Variants in KIAA0825 observed in about 807,000 individuals in gnomAD.
KIAA0825 encodes the protein uncharacterized protein KIAA0825.
Under a neutral mutation model 147.6 loss-of-function variants are expected in KIAA0825, and 119 were observed. The ratio of observed to expected loss-of-function variants is 0.81; its 90% CI spans 0.69 to 0.94. The LOEUF (loss-of-function observed/expected upper bound fraction) is 0.94. Ranked by LOEUF, KIAA0825 falls within the 40% of genes least tolerant of loss-of-function variation. The pLI is 0.00. For missense variants in KIAA0825, 1,381 were observed against 1,472.7 expected, an observed-to-expected ratio of 0.94 and a Z score of 1.02; for synonymous variants, 470 against 518.1, an observed-to-expected ratio of 0.91 and a Z score of 1.26.
chr5:94,272,395 C>T (rs958406716), intron 20 of KIAA0825, among the ~76,000 whole-genome samples: 5 of 151,886 alleles, frequency 3.3e-5, no homozygotes, highest in Admixed American at 6.6e-5. Context: ...GTGATGGATA[C>T]CCCATTTACC....
intron 2 of KIAA0825, among the ~76,000 whole-genome samples, chr5:94,552,649 G>C (rs1445163386): frequency 6.6e-6 from 1 of 152,200 alleles, no homozygotes; most frequent in Non-Finnish European, 1.5e-5. Context: ...ACATGTTCCT[G>C]AATGACCAAT....
intron 2 of KIAA0825, among the ~76,000 whole-genome samples, chr5:94,574,473 TG>T (rs1780591470): frequency 7.7e-6 from 1 of 129,298 alleles, no homozygotes; most frequent in Non-Finnish European, 1.5e-5. Flanking sequence ...GAACCCGGGA[TG>T]GGGAGGTTGC....
At chr5:94,464,127 G>A (rs912278954) in intron 11 of KIAA0825, among the ~76,000 whole-genome samples, 3 of 145,790 alleles carry the variant, frequency 2.1e-5, no homozygotes, top group Admixed American at 6.8e-5. Context: ...AAATATATCT[G>A]AAAAAAGATT....
chr5:94,185,057 G>A (rs532986998), intron 20 of KIAA0825, among the ~76,000 whole-genome samples: 23 of 152,208 alleles, frequency 1.5e-4, no homozygotes, highest in African/African-American at 3.9e-4. Flanking sequence ...GGCTCTCTGC[G>A]GGTATTGTCT....
chr5:94,523,871 A>G (rs1336385345), intron 4 of KIAA0825, 59 bp downstream of exon 4: 2 of 1,097,938 alleles, frequency 1.8e-6, no homozygotes, highest in African/African-American at 3.2e-5. Context: ...TAGAAATTGA[A>G]TGAGTTGTAT....
At chr5:94,231,788 C>T (rs1774720029) in intron 20 of KIAA0825, among the ~76,000 whole-genome samples, 1 of 152,010 alleles carries the variant, frequency 6.6e-6, no homozygotes, top group South Asian at 2.1e-4. Context: ...ATAGATAATT[C>T]AAATAATATA....
chr5:94,548,938 T>A (rs185705090), intron 2 of KIAA0825, among the ~76,000 whole-genome samples: 1 of 152,196 alleles, frequency 6.6e-6, no homozygotes, highest in African/African-American at 2.4e-5. Context: ...AATAAGCAAA[T>A]ATTATTAGAG....
At chr5:94,168,051 A>G (rs1768220783) in intron 20 of KIAA0825, among the ~76,000 whole-genome samples, 1 of 149,922 alleles carries the variant, frequency 6.7e-6, no homozygotes, top group African/African-American at 2.4e-5. Context: ...ATATAGAAAT[A>G]CATAGAAATA....
intron 2 of KIAA0825, among the ~76,000 whole-genome samples, chr5:94,549,566 A>T (rs1157657736): frequency 6.6e-6 from 1 of 152,120 alleles, no homozygotes; most frequent in Non-Finnish European, 1.5e-5. Context: ...TACAAAAATT[A>T]GCCGGATGTG....
chr5:94,275,089 A>G (rs1304709531), intron 20 of KIAA0825, among the ~76,000 whole-genome samples: 1 of 152,188 alleles, frequency 6.6e-6, no homozygotes, highest in East Asian at 1.9e-4. Flanking sequence ...CAAGGAACAC[A>G]TATGCTTGAC....
chr5:94,164,867 A>G (rs756945670), intron 20 of KIAA0825, among the ~76,000 whole-genome samples: 12 of 152,228 alleles, frequency 7.9e-5, no homozygotes, highest in Non-Finnish European at 1.6e-4. Flanking sequence ...ATCAAAATGG[A>G]TTAAAGACAT....
At position 94,272,106 on chromosome 5, in the gene KIAA0825, C is replaced by CAAAAAAAAAAAAAAAA. The variant is rs70975898; in HGVS notation, c.3710+112246_3710+112261dup. On this transcript the variant is annotated intron_variant, in intron 20 of 20. Coordinates refer to ENST00000682413, the MANE Select transcript of KIAA0825 (RefSeq NM_001145678.3). Reference sequence around the variant, plus strand: ...GCATCTTCTCACTTATTTGTAGGAGCAAAAAAAAAAAAAAAAAAAAAAAAA... The same window carrying CAAAAAAAAAAAAAAAA: ...GCATCTTCTCACTTATTTGTAGGAGCAAAAAAAAAAAAAAAAAAAAAAAAAAAAAAAAAAAAAAAAA... Among the ~76,000 whole-genome samples, 2 of 66,630 alleles carry CAAAAAAAAAAAAAAAA rather than the reference C, an allele frequency of 3.0e-5. 1 individual carries two copies. The allele number at this position is 66,630 out of a possible 152,430, so 43.7% of individuals were successfully genotyped here.
chr5:94,569,842 C>T (rs1779567422), intron 2 of KIAA0825: 1 of 175,790 alleles, frequency 5.7e-6, no homozygotes, highest in African/African-American at 2.4e-5. Flanking sequence ...TCGGCCGAGG[C>T]TTATACTATG....
intron 8 of KIAA0825, 150 bp from the exon 9 acceptor site, chr5:94,471,881 A>G (rs1761248647): frequency 1.4e-6 from 1 of 730,318 alleles, no homozygotes; most frequent in African/African-American, 1.8e-5. Context: ...TCTCAGTTGT[A>G]GAAAGTTAAA....
intron 2 of KIAA0825, among the ~76,000 whole-genome samples, chr5:94,563,253 G>A (rs1777904976): frequency 6.6e-6 from 1 of 151,766 alleles, no homozygotes; most frequent in Admixed American, 6.6e-5. Context: ...AGCTACTCCG[G>A]AGGCTGAGGC....
chr5:94,537,647 CAAAA>C lies in KIAA0825; in HGVS notation c.-1-524_-1-521del, dbSNP rs1162517096. On this transcript the variant is annotated intron_variant, in intron 2 of 20. Transcript: ENST00000682413. ...TGGGCGACAGAGCAAGACTCTGTCTCAAAAAAAAAAAAAAAAAAAAGAAAGCTGA... is the reference window on the plus strand; with the variant it reads ...TGGGCGACAGAGCAAGACTCTGTCTCAAAAAAAAAAAAAAAAGAAAGCTGA... Among the ~76,000 whole-genome samples, 6 of 68,022 alleles carry C rather than the reference CAAAA, an allele frequency of 8.8e-5. No individual in the cohort carries two copies. The South Asian group carries it at 2.7e-3, about 31-fold the overall frequency. The allele number at this position is 68,022 out of a possible 152,430, so 44.6% of individuals were successfully genotyped here. A position where few individuals can be genotyped will look rare whatever the true frequency, so the allele number is the denominator to read the frequency against.
Position 94,536,936 on chromosome 5 carries a change from G to A in KIAA0825, c.131+60C>T, listed in dbSNP as rs540135653. The A allele has an allele frequency of 5.7e-6, 7 of 1,225,678 alleles. 1 individual carries two copies. In the South Asian group the frequency reaches 9.7e-5, roughly 17 times the overall value. 75.9% of individuals were successfully genotyped at this position (1,225,678 alleles called of 1,614,324 possible). A position where few individuals can be genotyped will look rare whatever the true frequency, so the allele number is the denominator to read the frequency against. On this transcript the variant is annotated intron_variant, in intron 3 of 20. Transcript: ENST00000682413. The stretch of plus-strand genomic sequence containing the variant: ...TAAGAGCAGGATACAAATAGACCAG[G>A]TAAATTTCATATAAGTGAAATGTGA...
At chr5:94,198,480 C>T (rs1464163267) in intron 20 of KIAA0825, among the ~76,000 whole-genome samples, 1 of 150,190 alleles carries the variant, frequency 6.7e-6, no homozygotes, top group African/African-American at 2.4e-5. Flanking sequence ...CCATCATCCT[C>T]AGCAAACTAA....
intron 20 of KIAA0825, among the ~76,000 whole-genome samples, chr5:94,358,353 C>CT (rs1744599453): frequency 6.6e-6 from 1 of 152,178 alleles, no homozygotes; most frequent in Non-Finnish European, 1.5e-5. Context: ...AACCAAAGGT[C>CT]TGTGGCTAAA....
Sources: allele counts gnomAD v4.1 joint callset (sites outside exome capture counted in the v4.1 genomes callset), GRCh38; gene constraint gnomAD v4.1.1; transcripts MANE v1.5; gene names NCBI Gene and HGNC (gene_info 2026-07-23, HGNC 2026-07-21).